Variants in AKR1E2 observed in about 807,000 individuals in gnomAD.
AKR1E2 encodes 1,5-anhydro-D-fructose reductase.
AKR1E2 carries 43 observed loss-of-function variants against 41.9 expected under a neutral mutation model. The observed-to-expected ratio is 1.03, with a 90% CI of 0.80 to 1.32. The LOEUF is 1.32. AKR1E2 is among the 40% of genes most tolerant of loss of function. The pLI is 0.00. For synonymous variants in AKR1E2, 121 were observed against 138.9 expected (o/e 0.87, Z 0.91); for missense variants, 423 against 396.5 (o/e 1.07, Z -0.57).
chr10:4,842,583 C>CA, intron 8 of AKR1E2, 79 bp downstream of exon 8: 1 of 1,363,162 alleles, frequency 7.3e-7, no homozygotes, highest in South Asian at 1.2e-5. Flanking sequence ...TAGCATACAG[C>CA]CTCAGGGTTG....
the AKR1E2 span, among the ~76,000 whole-genome samples, chr10:4,861,087 T>C: frequency 6.6e-6 from 1 of 152,212 alleles, no homozygotes; most frequent in Non-Finnish European, 1.5e-5. Flanking sequence ...GGCTCAAAAC[T>C]TACAAAACAT....
chr10:4,849,006 C>G (rs74111763), downstream of AKR1E2, among the ~76,000 whole-genome samples: 8,965 of 152,278 alleles, frequency 0.059, 310 homozygotes, highest in Non-Finnish European at 0.069. Flanking sequence ...ACCTCCCTGC[C>G]CAGCCTTCCA....
intron 2 of AKR1E2, among the ~76,000 whole-genome samples, chr10:4,833,128 T>G (rs572053566): frequency 3.9e-5 from 6 of 152,018 alleles, no homozygotes; most frequent in African/African-American, 1.2e-4. Context: ...TGAGGAGGAG[T>G]CAGGCAGAAG....
chr10:4,870,303 C>A, the AKR1E2 span, among the ~76,000 whole-genome samples: 1 of 151,968 alleles, frequency 6.6e-6, no homozygotes, highest in East Asian at 1.9e-4. Flanking sequence ...GTTTTTGTTT[C>A]AATTGCCAAA....
rs1239946847 is a variant in AKR1E2 at position 4,833,424 on chromosome 10, C to G, written c.282C>G (p.Asn94Lys). Reference sequence around the variant, plus strand: ...AGAGTCTCAAGGCCTTGAAGCTGAACTATTTGGACCTCTACCTCATACACT... The same window carrying G: ...AGAGTCTCAAGGCCTTGAAGCTGAAGTATTTGGACCTCTACCTCATACACT... ...CRKSLKALKL[N>K]YLDLYLIHWP... is the part of the protein sequence containing the mutation. Residue 94 changes from asparagine (N) to lysine (K), a missense_variant, in exon 3 of 10, where the codon AAC (asparagine) becomes AAG (lysine). Asn to Lys is a moderately conservative substitution (Grantham distance 94, BLOSUM62 0). Coordinates refer to ENST00000298375, the MANE Select transcript of AKR1E2 (RefSeq NM_001040177.3). The G allele has an allele frequency of 6.2e-7, 1 of 1,614,038 alleles. No homozygotes were observed. The highest frequency in any genetic ancestry group is 8.5e-7 in the Non-Finnish European group (1 of 1,180,032).
Position 4,833,451 on chromosome 10 carries a change from G to T in AKR1E2, c.309G>T (p.Trp103Cys), listed in dbSNP as rs769752726. The T allele has an allele frequency of 5.5e-5, 88 of 1,613,750 alleles. No homozygotes were observed. The highest frequency in any genetic ancestry group is 6.7e-5 in the Non-Finnish European group (79 of 1,179,820). ...LNYLDLYLIH[W>C]PMGFKPPHPE... ...ATTTGGACCTCTACCTCATACACTG[G>T]CCCATGGGTTTCAAGGTACCGTTCA... The change falls in exon 3 of 10, where the codon TGG (tryptophan) becomes TGT (cysteine). Residue 103 changes from tryptophan (W) to cysteine (C), a missense_variant. By Grantham distance (215) the Trp-to-Cys change is radical (BLOSUM62 -2). Transcript: ENST00000298375.
Position 4,827,353 on chromosome 10 carries a change from CAT to C in AKR1E2, c.39+991_39+992del, listed in dbSNP as rs573749625. ...AAATGTCTTGTTATTTTGAAATACA[CAT>C]GTGTAGTAAATTATTGTTGACTGTT... On this transcript the variant is annotated intron_variant, in intron 1 of 9. Coordinates refer to ENST00000298375, the MANE Select transcript of AKR1E2 (RefSeq NM_001040177.3). Among the ~76,000 whole-genome samples, 24 of 141,830 alleles carry C rather than the reference CAT, an allele frequency of 1.7e-4. 1 individual carries two copies. Among genetic ancestry groups the C allele is most frequent in the Admixed American group, 4.9e-4 (7 of 14,236 alleles). 93.0% of individuals were successfully genotyped at this position (141,830 alleles called of 152,430 possible).
intron 9 of AKR1E2, 49 bp from the exon 10 acceptor site, chr10:4,847,439 A>G (rs1277690491): frequency 1.3e-6 from 2 of 1,599,532 alleles, no homozygotes; most frequent in South Asian, 2.2e-5. Flanking sequence ...TTCTCTTAAA[A>G]AATAATCATT....
intron 6 of AKR1E2, among the ~76,000 whole-genome samples, chr10:4,841,019 G>T (rs574614190): frequency 6.6e-6 from 1 of 152,134 alleles, no homozygotes; most frequent in African/African-American, 2.4e-5. Context: ...GTGAAGTGGG[G>T]CATGTGTGTT....
chr10:4,843,113 A>C (rs906267930), intron 8 of AKR1E2, among the ~76,000 whole-genome samples: 42 of 152,264 alleles, frequency 2.8e-4, no homozygotes, highest in African/African-American at 8.9e-4. Context: ...AAGTGTGTGA[A>C]ATCTATTTTT....
At chr10:4,870,730 T>C in the AKR1E2 span, among the ~76,000 whole-genome samples, 6 of 152,104 alleles carry the variant, frequency 3.9e-5, no homozygotes, top group African/African-American at 1.4e-4. Context: ...TTTTCATGCA[T>C]TTAATTATGA....
At chr10:4,865,751 A>T in the AKR1E2 span, among the ~76,000 whole-genome samples, 1 of 152,194 alleles carries the variant, frequency 6.6e-6, no homozygotes, top group Non-Finnish European at 1.5e-5. Context: ...AATCTTTAAA[A>T]ATGTGCATAA....
In AKR1E2 at chr10:4,830,021, G is replaced by A. The variant is rs78243416; in HGVS notation, c.40-654G>A. Among the ~76,000 whole-genome samples, 1,302 of 152,274 alleles carry A rather than the reference G, an allele frequency of 8.6e-3. 20 individuals are homozygous for A. Among genetic ancestry groups the A allele is most frequent in the African/African-American group, 0.03 (1,254 of 41,542 alleles). On this transcript the variant is annotated intron_variant, in intron 1 of 9. Transcript: ENST00000298375. ...CTGAATCTGTTGCCTATAAAATGAAGATAATTATGCTGCTCTAACTCCTAG... is the reference window on the plus strand; with the variant it reads ...CTGAATCTGTTGCCTATAAAATGAAAATAATTATGCTGCTCTAACTCCTAG...
In AKR1E2 at chr10:4,842,448, A is replaced by G. The variant is rs1400301844; in HGVS notation, c.781A>G (p.Asn261Asp). ...QILIRFQIQR[N>D]VIVIPGSITP... ...TTTGATCCGATTTCAAATCCAGAGG[A>G]ATGTGATAGTGATCCCCGGATCTAT... The change falls in exon 8 of 10, where the codon AAT (asparagine) becomes GAT (aspartate). Residue 261 changes from asparagine (N) to aspartate (D), a missense_variant. By Grantham distance (23) the Asn-to-Asp change is conservative. Coordinates refer to ENST00000298375, the MANE Select transcript of AKR1E2 (RefSeq NM_001040177.3). The G allele has an allele frequency of 5.6e-6, 9 of 1,614,078 alleles. No individual in the cohort carries two copies. Among genetic ancestry groups the G allele is most frequent in the Admixed American group, 3.3e-5 (2 of 60,004 alleles).
chr10:4,861,555 G>A, the AKR1E2 span, among the ~76,000 whole-genome samples: 3 of 152,068 alleles, frequency 2.0e-5, no homozygotes, highest in Non-Finnish European at 4.4e-5. Context: ...TTTTATTAGC[G>A]ATGGGGTCTC....
At chr10:4,849,489 A>G (rs1420341465), downstream of AKR1E2, among the ~76,000 whole-genome samples, 1 of 152,212 alleles carries the variant, frequency 6.6e-6, no homozygotes, top group Non-Finnish European at 1.5e-5. Context: ...CTTGTATTTT[A>G]TCTCCCACAG....
At chr10:4,862,595 C>T in the AKR1E2 span, among the ~76,000 whole-genome samples, 10 of 152,272 alleles carry the variant, frequency 6.6e-5, no homozygotes, top group South Asian at 2.1e-3. Context: ...TTTGTATCCT[C>T]TTTTATTTTG....
chr10:4,835,556 T>A, intron 3 of AKR1E2, 119 bp from the exon 4 acceptor site: 4 of 1,299,782 alleles, frequency 3.1e-6, no homozygotes, highest in Non-Finnish European at 4.1e-6. Flanking sequence ...CCTGGTCACA[T>A]GGCCAGGCTG....
At chr10:4,836,586 G>A (rs2131529387) in intron 4 of AKR1E2, among the ~76,000 whole-genome samples, 1 of 152,276 alleles carries the variant, frequency 6.6e-6, no homozygotes, top group South Asian at 2.1e-4. Context: ...AAGCTCTCCA[G>A]GGAGGAGGCC....
Sources: gnomAD v4.1 joint callset for allele counts (sites outside exome capture counted in the v4.1 genomes callset) on GRCh38, gnomAD v4.1.1 for gene constraint, MANE v1.5 for transcripts, NCBI Gene and HGNC (gene_info 2026-07-23, HGNC 2026-07-21) for gene names.